The following ANO4 variants were observed in gnomAD, a reference collection of about 807,000 sequenced individuals.
The protein encoded by ANO4 is anoctamin 4, also known as anoctamin-4.
In ANO4, 69 loss-of-function variants were observed where a neutral mutation model predicts 141.9. The ratio of observed to expected loss-of-function variants is 0.49; its 90% CI spans 0.40 to 0.59. The LOEUF is 0.59. ANO4 is among the 20% of genes least tolerant of loss of function. ANO4 has a pLI of 0.00. For synonymous variants in ANO4, 350 were observed against 394.3 expected (o/e 0.89, Z 1.33); for missense variants, 894 against 1,162.2 (o/e 0.77, Z 3.36).
chr12:100,929,817 G>A (rs560696464), intron 3 of ANO4, among the ~76,000 whole-genome samples: 4 of 152,184 alleles, frequency 2.6e-5, no homozygotes, highest in East Asian at 1.9e-4. Flanking sequence ...TAACTGAGGT[G>A]AGCCCTGATT....
intron 1 of ANO4, among the ~76,000 whole-genome samples, chr12:100,884,398 C>T (rs749347036): frequency 6.6e-6 from 1 of 152,160 alleles, no homozygotes; most frequent in Non-Finnish European, 1.5e-5. Flanking sequence ...ATGACCACTG[C>T]CTTGGAGGCT....
chr12:100,793,654 G>T (rs1054895091), upstream of ANO4, among the ~76,000 whole-genome samples: 2 of 151,918 alleles, frequency 1.3e-5, no homozygotes, highest in African/African-American at 2.4e-5. Context: ...TATCTTTTCT[G>T]CAGTGATAAA....
At chr12:101,088,571 G>C (rs1383006526) in intron 17 of ANO4, among the ~76,000 whole-genome samples, 1 of 151,596 alleles carries the variant, frequency 6.6e-6, no homozygotes, top group African/African-American at 2.4e-5. Flanking sequence ...TCTGGAACAG[G>C]GCCTGGCACA....
chr12:100,742,274 A>G (rs1000225374), intron 3 of ANO4, among the ~76,000 whole-genome samples: 12 of 152,118 alleles, frequency 7.9e-5, no homozygotes, highest in African/African-American at 2.7e-4. Context: ...CAATTATTAC[A>G]TTTATTTGAT....
chr12:100,949,018 G>A (rs1337608524), intron 5 of ANO4, among the ~76,000 whole-genome samples: 1 of 152,156 alleles, frequency 6.6e-6, no homozygotes, highest in African/African-American at 2.4e-5. Flanking sequence ...GAAAGGTGGG[G>A]TGGCCTCTAG....
At chr12:100,924,915 A>G (rs2041799785) in intron 3 of ANO4, among the ~76,000 whole-genome samples, 1 of 152,066 alleles carries the variant, frequency 6.6e-6, no homozygotes, top group Non-Finnish European at 1.5e-5. Flanking sequence ...TGTGTATCTG[A>G]TGTTAACTGT....
chr12:101,074,405 C>T (rs1293803432), intron 14 of ANO4, among the ~76,000 whole-genome samples: 2 of 152,134 alleles, frequency 1.3e-5, no homozygotes, highest in African/African-American at 4.8e-5. Context: ...AAAAGCACCC[C>T]GCAATGTTTT....
chr12:100,913,044 G>A (rs2041184020), intron 2 of ANO4, among the ~76,000 whole-genome samples: 1 of 152,024 alleles, frequency 6.6e-6, no homozygotes, highest in Non-Finnish European at 1.5e-5. Flanking sequence ...TGTGGGCATT[G>A]GTATCTGTGT....
At chr12:100,805,823 T>C (rs1157558254) in intron 1 of ANO4, among the ~76,000 whole-genome samples, 1 of 152,200 alleles carries the variant, frequency 6.6e-6, no homozygotes, top group Non-Finnish European at 1.5e-5. Context: ...TATTATAATT[T>C]GGAATTTACT....
chr12:101,042,506 T>C (rs1461441213), intron 12 of ANO4, 38 bp downstream of exon 12: 1 of 1,611,456 alleles, frequency 6.2e-7, no homozygotes, highest in South Asian at 1.1e-5. Context: ...CTTTGTTTAG[T>C]ACTTAGAGGT....
intron 24 of ANO4, among the ~76,000 whole-genome samples, chr12:101,116,452 A>G (rs1294607042): frequency 6.6e-6 from 1 of 152,224 alleles, no homozygotes; most frequent in Admixed American, 6.5e-5. Context: ...GAGATGTTCT[A>G]TATGATGATT....
intron 1 of ANO4, among the ~76,000 whole-genome samples, chr12:100,801,668 C>T (rs1218414730): frequency 7.1e-6 from 1 of 140,188 alleles, no homozygotes; most frequent in Non-Finnish European, 1.5e-5. Context: ...GCATTCTAGA[C>T]AGAGGGGCTG....
At chr12:100,823,127 T>C (rs1190989875) in intron 1 of ANO4, among the ~76,000 whole-genome samples, 1 of 152,100 alleles carries the variant, frequency 6.6e-6, no homozygotes, top group Admixed American at 6.6e-5. Flanking sequence ...TTCAATGTCA[T>C]CTTTGCCACC....
At chr12:100,862,413 C>T (rs140262914) in intron 1 of ANO4, among the ~76,000 whole-genome samples, 7,200 of 152,196 alleles carry the variant, frequency 0.047, 228 homozygotes, top group Middle Eastern at 0.095. Flanking sequence ...TCTCCGCCTC[C>T]CAGGTTCAAG....
chr12:101,068,556 C>G, intron 14 of ANO4: 1 of 1,354,206 alleles, frequency 7.4e-7, no homozygotes, highest in South Asian at 1.2e-5. Context: ...TGGAAAAATA[C>G]TAAAGAGATG....
At chr12:101,069,315 G>C (rs2048716776) in intron 14 of ANO4, 3 of 731,386 alleles carry the variant, frequency 4.1e-6, no homozygotes, top group East Asian at 2.5e-5. Flanking sequence ...ACCAGCGGAA[G>C]ATTTATTGTC....
chr12:100,775,905 T>C (rs2033486244), intron 3 of ANO4, among the ~76,000 whole-genome samples: 1 of 152,012 alleles, frequency 6.6e-6, no homozygotes, highest in Admixed American at 6.5e-5. Flanking sequence ...CTATGATTTC[T>C]TTTTTTTAAT....
intron 18 of ANO4, among the ~76,000 whole-genome samples, chr12:101,094,507 G>A (rs11834490): frequency 0.053 from 8,064 of 152,136 alleles, 673 homozygotes; most frequent in African/African-American, 0.18. Context: ...TATCTGTCAT[G>A]AGCTAATGTA....
At chr12:100,979,877 A>G (rs927014136) in intron 7 of ANO4, among the ~76,000 whole-genome samples, 18 of 143,770 alleles carry the variant, frequency 1.3e-4, no homozygotes, top group African/African-American at 4.6e-4. Flanking sequence ...ACAGGCGCCC[A>G]CCACCACGCC....
Sources: allele counts gnomAD v4.1 joint callset (sites outside exome capture counted in the v4.1 genomes callset), GRCh38; gene constraint gnomAD v4.1.1; transcripts MANE v1.5; gene names NCBI Gene and HGNC (gene_info 2026-07-23, HGNC 2026-07-21).